Variants in KCNC4 observed in about 807,000 individuals in gnomAD.
The protein encoded by KCNC4 is voltage-gated potassium channel KCNC4.
KCNC4 carries 23 observed loss-of-function variants against 42.8 expected under a neutral mutation model. The observed-to-expected ratio is 0.54, with a 90% confidence interval of 0.39 to 0.76. The LOEUF (loss-of-function observed/expected upper bound fraction) is 0.76, where lower values mean the gene tolerates loss of function less well. Ranked by LOEUF, KCNC4 falls within the 30% of genes least tolerant of loss-of-function variation. KCNC4 has a pLI of 0.00. For synonymous variants in KCNC4, 422 were observed against 393.5 expected (o/e 1.07, Z -0.86); for missense variants, 751 against 898.2 (o/e 0.84, Z 2.10).
chr1:110,245,829 C>G (rs1339383760), exon 4 of KCNC4: 1 of 152,230 alleles, frequency 6.6e-6, no homozygotes, highest in Non-Finnish European at 1.5e-5. Flanking sequence ...TTTCCTCTTT[C>G]TGACATTGAG....
At chr1:110,230,552 C>T (rs1265637696) in intron 3 of KCNC4, among the ~76,000 whole-genome samples, 1 of 152,132 alleles carries the variant, frequency 6.6e-6, no homozygotes, top group African/African-American at 2.4e-5. Flanking sequence ...CCCAAGTTTC[C>T]ACGGCACCCA....
downstream of KCNC4, among the ~76,000 whole-genome samples, chr1:110,251,219 G>A (rs538334366): frequency 2.0e-5 from 3 of 152,306 alleles, no homozygotes; most frequent in African/African-American, 7.2e-5. Flanking sequence ...CACAGGCCAC[G>A]AACGTTGTTA....
At chr1:110,269,740 T>TA (rs1659607789) in intron 1 of KCNC4, among the ~76,000 whole-genome samples, 1 of 152,056 alleles carries the variant, frequency 6.6e-6, no homozygotes, top group African/African-American at 2.4e-5. Context: ...CAAGAGGATA[T>TA]ATTTAACTTT....
At chr1:110,231,570 C>T (rs990286183) in intron 3 of KCNC4, among the ~76,000 whole-genome samples, 4 of 152,146 alleles carry the variant, frequency 2.6e-5, no homozygotes, top group East Asian at 1.9e-4. Flanking sequence ...GCATTCTCAC[C>T]GGTGCATCTT....
exon 4 of KCNC4, chr1:110,244,838 G>T (rs993163044): frequency 6.6e-6 from 1 of 152,230 alleles, no homozygotes; most frequent in Admixed American, 6.5e-5. Flanking sequence ...ACCATGGGCC[G>T]TGCAGTCTTT....
chr1:110,252,544 T>C (rs936168489), downstream of KCNC4, among the ~76,000 whole-genome samples: 2 of 152,038 alleles, frequency 1.3e-5, no homozygotes, highest in Non-Finnish European at 2.9e-5. Context: ...TCAGAAATGC[T>C]CTCCCTTGAT....
chr1:110,281,492 G>A (rs959809116), intron 1 of KCNC4, among the ~76,000 whole-genome samples: 2 of 151,664 alleles, frequency 1.3e-5, no homozygotes, highest in Admixed American at 6.6e-5. Flanking sequence ...CAATGGGGGC[G>A]GGAAGGGGGA....
rs1223529094 is a variant in KCNC4 at position 110,226,005 on chromosome 1, T to G, written c.1646T>G (p.Val549Gly). 6.2e-7 allele frequency: 1 copy of G among 1,610,048 alleles called. No homozygotes were observed. Among genetic ancestry groups the G allele is most frequent in the Non-Finnish European group, 8.5e-7 (1 of 1,177,182 alleles). ...DSKQNGDANA[V>G]LSDEEGAGLT... is the part of the protein sequence containing the mutation. ...AAGCAGAATGGCGATGCCAACGCAG[T>G]GCTGTCTGATGAGGAGGGAGCTGGC... Residue 549 changes from valine (V) to glycine (G), a missense_variant, in exon 3 of 4, where the codon GTG becomes GGG. Around this residue, in one of 4 missense-constraint regions of KCNC4, gnomAD observed 202 missense variants for 181.5 expected, o/e 1.11. Transcript: ENST00000438661.
downstream of KCNC4, among the ~76,000 whole-genome samples, chr1:110,252,223 A>G (rs533667228): frequency 3.9e-5 from 6 of 152,228 alleles, no homozygotes; most frequent in Non-Finnish European, 7.3e-5. Flanking sequence ...AAGGATGTCC[A>G]GGTTCTGTGA....
At chr1:110,249,288 C>CAATT (rs1333923976), downstream of KCNC4, among the ~76,000 whole-genome samples, 2 of 151,890 alleles carry the variant, frequency 1.3e-5, no homozygotes, top group Non-Finnish European at 2.9e-5. Context: ...TCCTGGCAGA[C>CAATT]AATTGCAAGA....
rs11810910 is a variant in KCNC4, at chr1:110,211,186, G to A, written c.-314G>A. On this transcript the variant is annotated 5_prime_UTR_variant, in exon 1 of 4. Coordinates refer to ENST00000438661, the MANE Select transcript of KCNC4 (RefSeq NM_001039574.3). The surrounding 1 kb of genome is among the most constrained non-coding windows in gnomAD (Gnocchi z 6.5). ...GGCGGGGGCGTGTCCCCGGCCCAGA[G>A]CGTTTGTGTGTCCCGTCGTAGCGGG... Among the ~76,000 whole-genome samples the A allele has an allele frequency of 0.37, 55,787 of 152,162 alleles. 12,387 individuals are homozygous for A. Among genetic ancestry groups the A allele is most frequent in the Non-Finnish European group, 0.49 (33,591 of 67,974 alleles).
Position 110,279,841 on chromosome 1 carries a change from C to A in KCNC4, n.31-2693C>A, listed in dbSNP as rs575746031. 4.9e-5 allele frequency among the ~76,000 whole-genome samples: 7 copies of A among 144,138 alleles called. No homozygotes were observed. The East Asian group carries it at 1.2e-3, about 25-fold the overall frequency. 94.6% of individuals were successfully genotyped at this position (144,138 alleles called of 152,430 possible). A position where few individuals can be genotyped will look rare whatever the true frequency, so the allele number is the denominator to read the frequency against. On this transcript the variant is annotated intron_variant and non_coding_transcript_variant, in intron 1 of 2. Transcript: ENST00000412512. ...TGAGATGGAGTCTCACTCTGTTGCC[C>A]GGGCTGGAGTGCAGTAGCACGATCT...
At chr1:110,230,378 G>A (rs1033571848) in intron 3 of KCNC4, among the ~76,000 whole-genome samples, 7 of 152,214 alleles carry the variant, frequency 4.6e-5, no homozygotes, top group African/African-American at 1.7e-4. Flanking sequence ...TCCCCCAACA[G>A]CGAGAGGACT....
At position 110,211,667 on chromosome 1, in the gene KCNC4, C is replaced by G. The variant is rs758889583; in HGVS notation, c.168C>G (p.Thr56=). The change falls in exon 1 of 4, where the codon ACC becomes ACG. Residue 56 remains threonine (T), a synonymous_variant. Transcript: ENST00000438661. The surrounding 1 kb of genome is among the most constrained non-coding windows in gnomAD (Gnocchi z 6.5). ...RHETYRSTLR[T]LPGTRLAWLA... Reference sequence around the variant, plus strand: ...AGACCTACCGCAGCACCCTGCGCACCCTACCGGGAACCCGCCTCGCCTGGC... The same window carrying G: ...AGACCTACCGCAGCACCCTGCGCACGCTACCGGGAACCCGCCTCGCCTGGC... 5 of 1,612,988 alleles carry G rather than the reference C, an allele frequency of 3.1e-6. No individual in the cohort carries two copies. In the South Asian group the frequency reaches 4.4e-5, roughly 14 times the overall value.
chr1:110,251,750 C>T (rs924633886), downstream of KCNC4, among the ~76,000 whole-genome samples: 1 of 152,226 alleles, frequency 6.6e-6, no homozygotes, highest in African/African-American at 2.4e-5. Context: ...GTCCTCACAG[C>T]AACCCTATGA....
At chr1:110,232,299 T>C in intron 3 of KCNC4, 2 of 1,613,564 alleles carry the variant, frequency 1.2e-6, no homozygotes, top group Non-Finnish European at 1.7e-6. Flanking sequence ...ACTCTGTTCC[T>C]GCCACATTGA....
At chr1:110,219,732 TG>T (rs1480660087) in intron 1 of KCNC4, 2 of 152,210 alleles carry the variant, frequency 1.3e-5, no homozygotes, top group African/African-American at 4.8e-5. Flanking sequence ...TGTGTATCCC[TG>T]CCCACAGGGA....
At chr1:110,256,352 A>G (rs1161997114) in intron 1 of KCNC4, among the ~76,000 whole-genome samples, 2 of 152,230 alleles carry the variant, frequency 1.3e-5, no homozygotes, top group Admixed American at 1.3e-4. Context: ...ATATGAGCCC[A>G]AAGAATCTGT....
intron 1 of KCNC4, among the ~76,000 whole-genome samples, chr1:110,258,308 G>A (rs188526741): frequency 3.3e-5 from 5 of 152,202 alleles, no homozygotes; most frequent in Admixed American, 2.6e-4. Flanking sequence ...CGTGATCTCG[G>A]CTCACTGCAA....
Sources: gnomAD v4.1 joint callset for allele counts (sites outside exome capture counted in the v4.1 genomes callset) on GRCh38, gnomAD v4.1.1 for gene constraint, gnomAD v4.1.1 regional missense constraint, Gnocchi (gnomAD v3.1) non-coding constraint, MANE v1.5 for transcripts, NCBI Gene and HGNC (gene_info 2026-07-23, HGNC 2026-07-21) for gene names.